CA4: variants seen among roughly 807,000 people sequenced by gnomAD.
CA4 encodes the protein CA-IV.
In CA4, 24 loss-of-function variants were observed where a neutral mutation model predicts 34.5. The observed-to-expected ratio is 0.70, with a 90% CI of 0.50 to 0.98. The LOEUF (loss-of-function observed/expected upper bound fraction) is 0.98, where lower values mean the gene tolerates loss of function less well. CA4 is among the 50% of genes least tolerant of loss of function. The pLI is 0.00. For synonymous variants in CA4, 178 were observed against 170.6 expected (o/e 1.04, Z -0.34); for missense variants, 394 against 396.7 (o/e 0.99, Z 0.06).
intron 2 of CA4, 44 bp downstream of exon 2, chr17:60,155,411 G>T: frequency 1.3e-6 from 2 of 1,523,666 alleles, no homozygotes; most frequent in East Asian, 2.4e-5. Flanking sequence ...TGCATGGTGG[G>T]CACCACGCAA....
chr17:60,163,822 T>A (rs1013559702), downstream of CA4, among the ~76,000 whole-genome samples: 193 of 152,324 alleles, frequency 1.3e-3, 1 homozygote, highest in African/African-American at 4.3e-3. Flanking sequence ...GAACAAGATT[T>A]AATCTTCCAT....
Position 60,157,492 on chromosome 17 carries a change from A to G in CA4, c.334A>G (p.Lys112Glu), listed in dbSNP as rs775951878. The G allele has an allele frequency of 2.5e-6, 4 of 1,614,072 alleles. No homozygotes were observed. The South Asian group carries it at 3.3e-5, about 13-fold the overall frequency. Residue 112 changes from lysine (K) to glutamate (E), a missense_variant, in exon 4 of 8, where the codon AAA becomes GAA. Physicochemically the swap from Lys to Glu is moderately conservative, Grantham distance 56. Transcript: ENST00000300900. Reference protein sequence around the residue: ...GGGLPAPYQAKQLHLHWSDLP... With the variant: ...GGGLPAPYQAEQLHLHWSDLP... The stretch of plus-strand genomic sequence containing the variant: ...AGGACTGCCTGCCCCATACCAGGCC[A>G]AACAGTTGCACCTGCACTGGTCCGA...
At chr17:60,152,642 G>T (rs1373947692) in intron 1 of CA4, among the ~76,000 whole-genome samples, 2 of 152,198 alleles carry the variant, frequency 1.3e-5, no homozygotes, top group African/African-American at 2.4e-5. Flanking sequence ...TCCTGGAATG[G>T]CTGCCCCCGG....
chr17:60,150,061 C>T lies in CA4; in HGVS notation c.27C>T (p.Ala9=). 1 of 1,601,040 alleles carries T rather than the reference C, an allele frequency of 6.2e-7. No homozygotes were observed. The change falls in exon 1 of 8, where the codon GCC becomes GCT. Residue 9 remains alanine, a synonymous_variant. Coordinates refer to ENST00000300900, the MANE Select transcript of CA4 (RefSeq NM_000717.5). ...TGCGGATGCTGCTGGCGCTCCTGGC[C>T]CTCTCCGCGGCGCGGCCATCGGCCA... is the stretch of plus-strand genomic sequence containing the variant. The part of the protein sequence containing the change: MRMLLALL[A]LSAARPSASA...
At chr17:60,159,159 C>T in intron 7 of CA4, 71 bp from the exon 8 acceptor site, 1 of 1,391,326 alleles carries the variant, frequency 7.2e-7, no homozygotes, top group Non-Finnish European at 1.0e-6. Flanking sequence ...GATGAGGTGC[C>T]TGCCTGAGGT....
chr17:60,165,703 G>T (rs1049493285), intron 5 of CA4, among the ~76,000 whole-genome samples: 4 of 151,996 alleles, frequency 2.6e-5, no homozygotes, highest in Non-Finnish European at 4.4e-5. Flanking sequence ...GTTGCTGCAG[G>T]CTCCCCCAGC....
chr17:60,154,607 CTT>C (rs1247804172), intron 1 of CA4, among the ~76,000 whole-genome samples: 1 of 152,258 alleles, frequency 6.6e-6, no homozygotes, highest in African/African-American at 2.4e-5. Context: ...ACTTTCCCCT[CTT>C]ATTAACATCT....
chr17:60,161,641 A>G (rs1213937745), downstream of CA4, among the ~76,000 whole-genome samples: 3 of 122,878 alleles, frequency 2.4e-5, no homozygotes, highest in East Asian at 4.8e-4. Context: ...CAGTCAGCCC[A>G]GGGAGAGGAG....
rs767546771 is a variant in CA4 at position 60,159,221 on chromosome 17, C to G, written c.745-9C>G. ...TGCCCCGACCTGCTGAGCCCCATCA[C>G]TTCCGCAGATCCTGGCATTCTCTCA... On this transcript the variant is annotated splice_polypyrimidine_tract_variant and intron_variant, in intron 7 of 7. Transcript: ENST00000300900. The G allele has an allele frequency of 5.0e-6, 8 of 1,592,058 alleles. No homozygotes were observed. Among genetic ancestry groups the G allele is most frequent in the Non-Finnish European group, 6.8e-6 (8 of 1,169,372 alleles).
chr17:60,150,051 C>A lies in CA4; in HGVS notation c.17C>A (p.Ala6Glu). Residue 6 changes from alanine (A) to glutamate (E), a missense_variant, in exon 1 of 8, where the codon GCG becomes GAG. Ala to Glu is a moderately radical substitution (Grantham distance 107). Coordinates refer to ENST00000300900, the MANE Select transcript of CA4 (RefSeq NM_000717.5). MRMLL[A>E]LLALSAARPS... ...TCCCGCAAGATGCGGATGCTGCTGG[C>A]GCTCCTGGCCCTCTCCGCGGCGCGG... 6.2e-7 allele frequency: 1 copy of A among 1,601,760 alleles called. No homozygotes were observed.
chr17:60,164,961 G>A (rs1173748285), intron 5 of CA4, among the ~76,000 whole-genome samples: 3 of 152,170 alleles, frequency 2.0e-5, no homozygotes, highest in Admixed American at 6.5e-5. Context: ...ATTTTTCTGA[G>A]CCTCAGTTTC....
downstream of CA4, among the ~76,000 whole-genome samples, chr17:60,161,720 CT>C (rs2083791552): frequency 6.6e-6 from 1 of 152,048 alleles, no homozygotes; most frequent in South Asian, 2.1e-4. Flanking sequence ...TAAGTCCCCC[CT>C]CCCTTCCCTG....
chr17:60,150,156 C>T, intron 1 of CA4, 64 bp downstream of exon 1: 2 of 1,357,326 alleles, frequency 1.5e-6, no homozygotes, highest in South Asian at 1.2e-5. Context: ...CCAGCTCCCG[C>T]CCCTGCAGAG....
chr17:60,157,357 A>G, intron 3 of CA4, 70 bp from the exon 4 acceptor site: 8 of 1,575,586 alleles, frequency 5.1e-6, no homozygotes, highest in Non-Finnish European at 6.1e-6. Flanking sequence ...ATCTGGGTGA[A>G]GCTGGGATGA....
intron 5 of CA4, 116 bp downstream of exon 5, chr17:60,157,904 C>A: frequency 1.3e-6 from 2 of 1,524,410 alleles, no homozygotes. Context: ...CAACTTCCGC[C>A]TCTGTTTCTG....
chr17:60,169,143 A>G (rs1010043061), intron 5 of CA4, among the ~76,000 whole-genome samples: 4 of 151,576 alleles, frequency 2.6e-5, no homozygotes, highest in Non-Finnish European at 5.9e-5. Flanking sequence ...GCTACTTGGG[A>G]GGCTGAGGCA....
chr17:60,161,932 C>T (rs564492320), downstream of CA4, among the ~76,000 whole-genome samples: 3 of 152,228 alleles, frequency 2.0e-5, no homozygotes, highest in African/African-American at 7.2e-5. Context: ...AATGGCACTG[C>T]ATCCCCACCC....
the CA4 span, among the ~76,000 whole-genome samples, chr17:60,176,336 A>T: frequency 6.6e-6 from 1 of 152,066 alleles, no homozygotes; most frequent in Non-Finnish European, 1.5e-5. Flanking sequence ...TACAAGCCTG[A>T]GTGTTCGGTA....
downstream of CA4, among the ~76,000 whole-genome samples, chr17:60,174,258 C>T (rs144279189): frequency 1.3e-5 from 2 of 152,226 alleles, no homozygotes; most frequent in African/African-American, 4.8e-5. Flanking sequence ...TTTCTGCTCA[C>T]CAGAGGGCAT....
Sources: gnomAD v4.1 joint callset for allele counts (sites outside exome capture counted in the v4.1 genomes callset) on GRCh38, gnomAD v4.1.1 for gene constraint, MANE v1.5 for transcripts, NCBI Gene and HGNC (gene_info 2026-07-23, HGNC 2026-07-21) for gene names.